Variants in ZFYVE9 observed in about 807,000 individuals in gnomAD.
ZFYVE9 encodes the protein zinc finger FYVE-type containing 9, also known as zinc finger FYVE domain-containing protein 9.
Under a neutral mutation model 126.7 loss-of-function variants are expected in ZFYVE9, and 43 were observed. The observed-to-expected ratio is 0.34, with a 90% confidence interval of 0.27 to 0.44. The LOEUF (loss-of-function observed/expected upper bound fraction) is 0.44, where lower values mean the gene tolerates loss of function less well. ZFYVE9 is among the 20% of genes least tolerant of loss of function. ZFYVE9 has a pLI of 1.00. For synonymous variants in ZFYVE9, 521 were observed against 597.4 expected, an observed-to-expected ratio of 0.87 and a Z score of 1.87; for missense variants, 1,476 against 1,697.0, an observed-to-expected ratio of 0.87 and a Z score of 2.29.
At chr1:52,327,915 A>G (rs973356927) in intron 13 of ZFYVE9, among the ~76,000 whole-genome samples, 2 of 151,854 alleles carry the variant, frequency 1.3e-5, no homozygotes, top group Non-Finnish European at 2.9e-5. Flanking sequence ...CAGAGGCCGC[A>G]GTGAGCCAGG....
intron 12 of ZFYVE9, among the ~76,000 whole-genome samples, chr1:52,301,792 A>G (rs1557509525): frequency 6.6e-6 from 1 of 152,158 alleles, no homozygotes; most frequent in Non-Finnish European, 1.5e-5. Flanking sequence ...GATTACTCCA[A>G]TTACATATAT....
chr1:52,325,122 A>G (rs1646278416), intron 13 of ZFYVE9, among the ~76,000 whole-genome samples: 1 of 152,144 alleles, frequency 6.6e-6, no homozygotes, highest in South Asian at 2.1e-4. Flanking sequence ...TACTAAAAAT[A>G]CAAAAAATTA....
At position 52,239,610 on chromosome 1, in the gene ZFYVE9, T is replaced by A; in HGVS notation, c.2178+15T>A. Reference sequence around the variant, plus strand: ...CATGTGGGAAGGTAAGTTGCATGTATACACTCAGAAATCGGGCATGCACAT... The same window carrying A: ...CATGTGGGAAGGTAAGTTGCATGTAAACACTCAGAAATCGGGCATGCACAT... On this transcript the variant is annotated intron_variant, in intron 4 of 18. Transcript: ENST00000287727. 6.3e-7 allele frequency: 1 copy of A among 1,599,702 alleles called. No individual in the cohort carries two copies. Among genetic ancestry groups the A allele is most frequent in the East Asian group, 2.2e-5 (1 of 44,640 alleles).
intron 10 of ZFYVE9, among the ~76,000 whole-genome samples, chr1:52,285,245 C>G (rs1161772931): frequency 2.0e-5 from 3 of 151,978 alleles, no homozygotes; most frequent in Non-Finnish European, 2.9e-5. Flanking sequence ...TATTAAGAAC[C>G]TTATTTTTAG....
At chr1:52,343,164 C>T (rs1280586406) in intron 17 of ZFYVE9, among the ~76,000 whole-genome samples, 1 of 151,146 alleles carries the variant, frequency 6.6e-6, no homozygotes, top group East Asian at 2.0e-4. Flanking sequence ...CCTTGTGATC[C>T]ACCCTCCTTG....
At chr1:52,299,538 G>A (rs973927799) in intron 12 of ZFYVE9, among the ~76,000 whole-genome samples, 1 of 152,200 alleles carries the variant, frequency 6.6e-6, no homozygotes, top group Admixed American at 6.5e-5. Flanking sequence ...CTGTGGGTTT[G>A]TCACATATGG....
intron 6 of ZFYVE9, among the ~76,000 whole-genome samples, chr1:52,267,982 G>A (rs1324715061): frequency 2.0e-5 from 3 of 152,116 alleles, no homozygotes; most frequent in Non-Finnish European, 2.9e-5. Context: ...TGTTATAAAT[G>A]AATTATTCTT....
chr1:52,173,552 G>C (rs1025667269), intron 1 of ZFYVE9, among the ~76,000 whole-genome samples: 5 of 152,136 alleles, frequency 3.3e-5, no homozygotes, highest in Non-Finnish European at 7.3e-5. Flanking sequence ...TTTTTCTGTT[G>C]ATTGGAATAG....
chr1:52,234,706 A>G (rs539393846), intron 3 of ZFYVE9, among the ~76,000 whole-genome samples: 1 of 152,292 alleles, frequency 6.6e-6, no homozygotes, highest in Admixed American at 6.5e-5. Flanking sequence ...ACTAACCTAT[A>G]TTCCTAGGCT....
chr1:52,157,328 TTA>T (rs1484094883), intron 1 of ZFYVE9, among the ~76,000 whole-genome samples: 2 of 151,860 alleles, frequency 1.3e-5, no homozygotes, highest in African/African-American at 4.8e-5. Flanking sequence ...CTTGTTTTGA[TTA>T]TATATATTAA....
At chr1:52,273,798 G>A (rs1285093090) in intron 7 of ZFYVE9, among the ~76,000 whole-genome samples, 1 of 134,322 alleles carries the variant, frequency 7.4e-6, no homozygotes, top group Non-Finnish European at 1.5e-5. Context: ...CAGCCTGGGC[G>A]ATAGAGTGAG....
chr1:52,228,100 A>C (rs1310465897), intron 2 of ZFYVE9, among the ~76,000 whole-genome samples: 1 of 152,072 alleles, frequency 6.6e-6, no homozygotes, highest in African/African-American at 2.4e-5. Context: ...TATTTTTGAG[A>C]CAGGGTCTCA....
chr1:52,237,969 A>G lies in ZFYVE9; in HGVS notation c.552A>G (p.Ser184=). ...SQSLMDAFSC[S]LDNENRQTDQ... ...CCCTTATGGATGCTTTTAGCTGTTC[A>G]CTGGATAATGAAAACAGACAAACTG... The change falls in exon 4 of 19, where the codon TCA becomes TCG. Residue 184 remains serine, a synonymous_variant. Transcript: ENST00000287727. 1 of 1,614,056 alleles carries G rather than the reference A, an allele frequency of 6.2e-7. No homozygotes were observed. The highest frequency in any genetic ancestry group is 8.5e-7 in the Non-Finnish European group (1 of 1,179,966).
In ZFYVE9 at chr1:52,203,334, A is replaced by C. The variant is rs550797637; in HGVS notation, c.-142-13035A>C. Among the ~76,000 whole-genome samples, 4 of 151,920 alleles carry C rather than the reference A, an allele frequency of 2.6e-5. No homozygotes were observed. The South Asian group carries it at 8.3e-4, about 32-fold the overall frequency. On this transcript the variant is annotated intron_variant, in intron 1 of 18. Transcript: ENST00000287727. ...GTAGCTGGGATTACAGGCTTGCGCC[A>C]CTACCGTCCGGCTAATTTTTGTATT...
chr1:52,195,462 T>C lies in ZFYVE9; in HGVS notation c.-142-20907T>C, dbSNP rs567966860. ...ACTGCTTACTATATATCCCAGACAC[T>C]GTTCTGGGTGCCAGCAATGCAACAA... On this transcript the variant is annotated intron_variant, in intron 1 of 18. Transcript: ENST00000287727. 2.6e-5 allele frequency among the ~76,000 whole-genome samples: 4 copies of C among 152,328 alleles called. 1 individual carries two copies. The South Asian group carries it at 8.3e-4, about 32-fold the overall frequency.
At chr1:52,160,478 G>A (rs1644446929) in intron 1 of ZFYVE9, 1 of 811,478 alleles carries the variant, frequency 1.2e-6, no homozygotes, top group Admixed American at 1.7e-5. Context: ...GAATGGACGA[G>A]TGGCAGTTTC....
chr1:52,242,902 G>A lies in ZFYVE9; in HGVS notation c.2178+3307G>A, dbSNP rs148248183. On this transcript the variant is annotated intron_variant, in intron 4 of 18. Transcript: ENST00000287727. ...GGTTTCTAGTGAAGCTGAACCCAGG[G>A]AAATATTTTCCATTACACACCCTCT... Among the ~76,000 whole-genome samples, 344 of 152,274 alleles carry A rather than the reference G, an allele frequency of 2.3e-3. 2 individuals carry two copies. The highest frequency in any genetic ancestry group is 8.0e-3 in the African/African-American group (334 of 41,552).
intron 2 of ZFYVE9, among the ~76,000 whole-genome samples, chr1:52,218,098 A>T (rs549368642): frequency 1.3e-5 from 2 of 152,224 alleles, no homozygotes; most frequent in East Asian, 1.9e-4. Context: ...CAGGACCCTG[A>T]TGCTGTCTAT....
At chr1:52,143,429 A>G (rs1398023532) in intron 1 of ZFYVE9, among the ~76,000 whole-genome samples, 1 of 152,240 alleles carries the variant, frequency 6.6e-6, no homozygotes, top group Non-Finnish European at 1.5e-5. Context: ...TATGTATGTG[A>G]AAGTTATAAG....
Sources: gnomAD v4.1 joint callset for allele counts (sites outside exome capture counted in the v4.1 genomes callset) on GRCh38, gnomAD v4.1.1 for gene constraint, MANE v1.5 for transcripts, NCBI Gene and HGNC (gene_info 2026-07-23, HGNC 2026-07-21) for gene names.